MICU1: variants seen among roughly 807,000 people sequenced by gnomAD.
MICU1 encodes mitochondrial calcium uptake 1.
In MICU1, 45 loss-of-function variants were observed where a neutral mutation model predicts 56.8. The observed-to-expected ratio is 0.79, with a 90% confidence interval of 0.62 to 1.02. MICU1 has a LOEUF of 1.02. MICU1 is among the 50% of genes least tolerant of loss of function. The pLI, the probability that MICU1 is intolerant of heterozygous loss-of-function variation, is 0.00. For missense variants in MICU1, 504 were observed against 587.1 expected (o/e 0.86, Z 1.46); for synonymous variants, 186 against 195.1 (o/e 0.95, Z 0.39).
intron 10 of MICU1, among the ~76,000 whole-genome samples, chr10:72,401,568 C>T (rs764626937): frequency 2.6e-5 from 4 of 152,246 alleles, no homozygotes; most frequent in African/African-American, 4.8e-5. Flanking sequence ...ACAGGAGAAT[C>T]GTTTGAACCT....
intron 1 of MICU1, among the ~76,000 whole-genome samples, chr10:72,616,457 C>T (rs1841982049): frequency 6.6e-6 from 1 of 151,742 alleles, no homozygotes; most frequent in Admixed American, 6.6e-5. Flanking sequence ...CATGGTGGTG[C>T]ACGCCTGTAA....
intron 8 of MICU1, among the ~76,000 whole-genome samples, chr10:72,456,411 T>C (rs1422025130): frequency 1.3e-5 from 2 of 152,172 alleles, no homozygotes; most frequent in Non-Finnish European, 2.9e-5. Context: ...GATCAGATTA[T>C]ACAAGACAGT....
chr10:72,395,705 C>A (rs1244330060), intron 10 of MICU1, among the ~76,000 whole-genome samples: 1 of 152,222 alleles, frequency 6.6e-6, no homozygotes. Context: ...GATTGATTTG[C>A]AAGCCAGCAG....
At chr10:72,551,488 T>A in intron 3 of MICU1, 147 bp from the exon 4 acceptor site, 1 of 529,484 alleles carries the variant, frequency 1.9e-6, no homozygotes, top group African/African-American at 2.0e-5. Flanking sequence ...CTTAGTTTTT[T>A]AATATTACAA....
chr10:72,389,108 C>T (rs1317715674), intron 10 of MICU1, among the ~76,000 whole-genome samples: 1 of 152,206 alleles, frequency 6.6e-6, no homozygotes, highest in Non-Finnish European at 1.5e-5. Context: ...CCTCACAGTC[C>T]TGGACAGGAC....
At chr10:72,490,363 A>G (rs752371587) in intron 6 of MICU1, among the ~76,000 whole-genome samples, 15 of 152,230 alleles carry the variant, frequency 9.9e-5, no homozygotes, top group Non-Finnish European at 2.1e-4. Context: ...CAAATAACAC[A>G]TAATACTAAG....
intron 1 of MICU1, among the ~76,000 whole-genome samples, chr10:72,569,237 A>ATATATATATAT: frequency 5.8e-5 from 2 of 34,380 alleles, no homozygotes; most frequent in African/African-American, 2.3e-4. Context: ...ATATATATAT[A>ATATATATATAT]TTTTTTTTTT....
In MICU1 at chr10:72,372,745, G is replaced by A. The variant is rs963337554; in HGVS notation, c.1270+3038C>T. 2.0e-5 allele frequency among the ~76,000 whole-genome samples: 3 copies of A among 151,894 alleles called. 1 individual carries two copies. Among genetic ancestry groups the A allele is most frequent in the Admixed American group, 1.3e-4 (2 of 15,240 alleles). ...TGATCCCAGCTACTCGGGAGGCTGA[G>A]GCAGGAGAATCACTTGAACCCAGGA... On this transcript the variant is annotated intron_variant, in intron 11 of 11. Transcript: ENST00000361114.
intron 10 of MICU1, chr10:72,392,086 A>G (rs1248807423): frequency 1.3e-5 from 2 of 152,288 alleles, no homozygotes; most frequent in Non-Finnish European, 2.9e-5. Context: ...ATTTAAAAAT[A>G]AAGAAATAAA....
At chr10:72,388,769 C>G (rs1483610948) in intron 10 of MICU1, among the ~76,000 whole-genome samples, 1 of 152,190 alleles carries the variant, frequency 6.6e-6, no homozygotes, top group Non-Finnish European at 1.5e-5. Flanking sequence ...AAGCCACAGT[C>G]CCCTCTGGAT....
rs1427451890 is a variant in MICU1, at chr10:72,508,205, C to A, written c.602G>T (p.Cys201Phe). ...GTAGTCTGAAAAGGATATGAGCCCACATTCTCCAAGGGTGTAAAATATACT... is the reference window on the plus strand; with the variant it reads ...GTAGTCTGAAAAGGATATGAGCCCAAATTCTCCAAGGGTGTAAAATATACT... ...EGSIFYTLGE[C>F]GLISFSDYIF... Residue 201 changes from cysteine (C) to phenylalanine (F), a missense_variant, in exon 6 of 12, where the codon TGT becomes TTT. Cys to Phe is a radical substitution (Grantham distance 205). Coordinates refer to ENST00000361114, the MANE Select transcript of MICU1 (RefSeq NM_001195518.2). 2 of 1,552,512 alleles carry A rather than the reference C, an allele frequency of 1.3e-6. No individual in the cohort carries two copies. The highest frequency in any genetic ancestry group is 1.8e-6 in the Non-Finnish European group (2 of 1,139,232).
At chr10:72,450,761 C>A (rs1298717946) in intron 8 of MICU1, among the ~76,000 whole-genome samples, 1 of 141,114 alleles carries the variant, frequency 7.1e-6, no homozygotes, top group Non-Finnish European at 1.5e-5. Flanking sequence ...ATCTCACTCT[C>A]TCATCCAGGC....
At chr10:72,478,605 T>C (rs1866194144) in intron 6 of MICU1, among the ~76,000 whole-genome samples, 1 of 152,200 alleles carries the variant, frequency 6.6e-6, no homozygotes, top group Non-Finnish European at 1.5e-5. Flanking sequence ...CTTTGTATAT[T>C]ATGTATAATT....
intron 3 of MICU1, among the ~76,000 whole-genome samples, chr10:72,561,598 A>C (rs945078542): frequency 2.0e-5 from 3 of 152,176 alleles, no homozygotes; most frequent in African/African-American, 7.2e-5. Context: ...GATCACCTGA[A>C]GTCAGGAGTT....
chr10:72,563,657 G>T (rs1840353316), intron 2 of MICU1, among the ~76,000 whole-genome samples: 1 of 152,214 alleles, frequency 6.6e-6, no homozygotes, highest in Non-Finnish European at 1.5e-5. Context: ...GTTTCACAAT[G>T]ATGTGAATAC....
At chr10:72,409,215 A>C (rs1863728160) in intron 9 of MICU1, among the ~76,000 whole-genome samples, 1 of 152,232 alleles carries the variant, frequency 6.6e-6, no homozygotes, top group South Asian at 2.1e-4. Context: ...AAAGAGCTGC[A>C]GATGTAGACT....
At chr10:72,455,208 C>T (rs999657448) in intron 8 of MICU1, among the ~76,000 whole-genome samples, 3 of 151,694 alleles carry the variant, frequency 2.0e-5, no homozygotes, top group African/African-American at 7.3e-5. Context: ...AAAAATTAGC[C>T]GGATGTGGTG....
intron 5 of MICU1, among the ~76,000 whole-genome samples, chr10:72,514,191 A>G (rs965420169): frequency 6.6e-6 from 1 of 152,112 alleles, no homozygotes; most frequent in Non-Finnish European, 1.5e-5. Flanking sequence ...TCTATTTGGT[A>G]TCTTTTAAAC....
rs1324628228 is a variant in MICU1 at position 72,564,521 on chromosome 10, AGAGT to A, written c.162-1462_162-1459del. Among the ~76,000 whole-genome samples the A allele has an allele frequency of 4.1e-5, 6 of 144,608 alleles. No homozygotes were observed. In the South Asian group the frequency reaches 6.8e-4, roughly 16 times the overall value. 94.9% of individuals were successfully genotyped at this position (144,608 alleles called of 152,430 possible). A position where few individuals can be genotyped will look rare whatever the true frequency, so the allele number is the denominator to read the frequency against. ...ACCAATGTACTCCAGCCTGGGTGAC[AGAGT>A]GAGACTCCATCTCAAAAAGAAAAAA... On this transcript the variant is annotated intron_variant, in intron 2 of 11. Coordinates refer to ENST00000361114, the MANE Select transcript of MICU1 (RefSeq NM_001195518.2).
Sources: allele counts gnomAD v4.1 joint callset (sites outside exome capture counted in the v4.1 genomes callset), GRCh38; gene constraint gnomAD v4.1.1; transcripts MANE v1.5; gene names NCBI Gene and HGNC (gene_info 2026-07-23, HGNC 2026-07-21).